The following BNC2 variants were observed in gnomAD, a reference collection of about 807,000 sequenced individuals.
The protein encoded by BNC2 is basonuclin zinc finger protein 2, also known as zinc finger protein basonuclin-2.
Under a neutral mutation model 76.3 loss-of-function variants are expected in BNC2, and 20 were observed. The ratio of observed to expected loss-of-function variants is 0.26; its 90% CI spans 0.18 to 0.38. The LOEUF is 0.38. Among genes scored for constraint, BNC2 ranks in the 10% least tolerant of loss-of-function variants. The pLI, the probability that BNC2 is intolerant of heterozygous loss-of-function variation, is 1.00. For missense variants in BNC2, 1,382 were observed against 1,399.8 expected, an observed-to-expected ratio of 0.99 and a Z score of 0.20; for synonymous variants, 582 against 514.8, an observed-to-expected ratio of 1.13 and a Z score of -1.77.
intron 3 of BNC2, among the ~76,000 whole-genome samples, chr9:16,704,009 T>A (rs1823589420): frequency 6.6e-6 from 1 of 152,162 alleles, no homozygotes; most frequent in African/African-American, 2.4e-5. Flanking sequence ...TGAAGAGAAA[T>A]GCAGTCCAAA....
intron 1 of BNC2, among the ~76,000 whole-genome samples, chr9:16,805,170 G>A (rs1817875661): frequency 6.6e-6 from 1 of 152,152 alleles, no homozygotes; most frequent in Non-Finnish European, 1.5e-5. Context: ...CATGGACATA[G>A]TAGGGTTTGT....
intron 1 of BNC2, among the ~76,000 whole-genome samples, chr9:16,810,750 G>C (rs560280792): frequency 6.6e-6 from 1 of 152,316 alleles, no homozygotes; most frequent in South Asian, 2.1e-4. Context: ...GTGATCCAAA[G>C]AGAAAAGCCG....
intron 5 of BNC2, among the ~76,000 whole-genome samples, chr9:16,438,852 T>C (rs1821072567): frequency 6.6e-6 from 1 of 152,098 alleles, no homozygotes; most frequent in African/African-American, 2.4e-5. Context: ...TAGGACACAC[T>C]AAGAAGGGCA....
chr9:16,597,588 T>G (rs1042323848), intron 3 of BNC2, among the ~76,000 whole-genome samples: 1 of 152,130 alleles, frequency 6.6e-6, no homozygotes, highest in African/African-American at 2.4e-5. Context: ...TAAAAAATTA[T>G]GAAAATCTAC....
intron 3 of BNC2, among the ~76,000 whole-genome samples, chr9:16,649,518 A>G (rs1302599703): frequency 6.6e-6 from 1 of 152,198 alleles, no homozygotes; most frequent in African/African-American, 2.4e-5. Flanking sequence ...AATTAGAGAC[A>G]GAAAAGGGAA....
intron 1 of BNC2, among the ~76,000 whole-genome samples, chr9:16,844,991 C>A (rs1818931771): frequency 6.6e-6 from 1 of 152,114 alleles, no homozygotes; most frequent in South Asian, 2.1e-4. Flanking sequence ...CCCAAGATTT[C>A]CAAACACTGT....
intron 5 of BNC2, among the ~76,000 whole-genome samples, chr9:16,486,732 T>C (rs1454941666): frequency 6.6e-6 from 1 of 152,180 alleles, no homozygotes; most frequent in African/African-American, 2.4e-5. Flanking sequence ...CAGACAATTT[T>C]TTTTTTTGGT....
At chr9:16,812,914 T>C (rs1303186960) in intron 1 of BNC2, among the ~76,000 whole-genome samples, 8 of 152,100 alleles carry the variant, frequency 5.3e-5, no homozygotes, top group African/African-American at 1.7e-4. Context: ...ATTTTCAAAA[T>C]AGAAAAATTC....
chr9:16,864,465 T>C (rs150841306), intron 1 of BNC2, among the ~76,000 whole-genome samples: 6 of 152,170 alleles, frequency 3.9e-5, no homozygotes, highest in African/African-American at 9.7e-5. Context: ...CAAATGAAGT[T>C]TGGATGAAAA....
At chr9:16,842,105 G>A (rs1006365668) in intron 1 of BNC2, among the ~76,000 whole-genome samples, 2 of 152,064 alleles carry the variant, frequency 1.3e-5, no homozygotes, top group African/African-American at 2.4e-5. Flanking sequence ...CCACACACCC[G>A]GCCTGCAAGA....
intron 1 of BNC2, among the ~76,000 whole-genome samples, chr9:16,744,128 G>C (rs371731037): frequency 5.9e-5 from 9 of 151,874 alleles, no homozygotes; most frequent in African/African-American, 1.9e-4. Context: ...CACCACGCCC[G>C]GCTAATTTTT....
At chr9:16,537,586 T>G (rs1818169774) in intron 5 of BNC2, among the ~76,000 whole-genome samples, 1 of 152,336 alleles carries the variant, frequency 6.6e-6, no homozygotes, top group Middle Eastern at 3.4e-3. Flanking sequence ...CCATCTTGAC[T>G]TTCTATTAAT....
At chr9:16,698,650 C>T (rs751051399) in intron 3 of BNC2, among the ~76,000 whole-genome samples, 2 of 151,806 alleles carry the variant, frequency 1.3e-5, no homozygotes, top group Admixed American at 6.6e-5. Flanking sequence ...GCCAAGATGG[C>T]GCCACCGCAC....
At chr9:16,788,349 C>A (rs191290626) in intron 1 of BNC2, among the ~76,000 whole-genome samples, 2 of 151,484 alleles carry the variant, frequency 1.3e-5, no homozygotes, top group Non-Finnish European at 3.0e-5. Context: ...GTCAGGAGAT[C>A]GAGACCATCC....
intron 5 of BNC2, among the ~76,000 whole-genome samples, chr9:16,474,082 C>G (rs554142025): frequency 2.6e-5 from 4 of 152,236 alleles, no homozygotes; most frequent in African/African-American, 9.6e-5. Flanking sequence ...GACACCCAAT[C>G]TTGACTGATG....
chr9:16,523,995 C>A (rs1817711315), intron 5 of BNC2, among the ~76,000 whole-genome samples: 1 of 152,116 alleles, frequency 6.6e-6, no homozygotes, highest in Non-Finnish European at 1.5e-5. Flanking sequence ...ACAACTCTAA[C>A]AGATTTTAGC....
chr9:16,849,696 T>C (rs1586934130), intron 1 of BNC2, among the ~76,000 whole-genome samples: 3 of 152,046 alleles, frequency 2.0e-5, no homozygotes, highest in African/African-American at 2.4e-5. Flanking sequence ...GGAGAAGAGG[T>C]TGTATACAAA....
At chr9:16,463,020 C>T (rs897344799) in intron 5 of BNC2, among the ~76,000 whole-genome samples, 20 of 152,092 alleles carry the variant, frequency 1.3e-4, no homozygotes, top group African/African-American at 4.6e-4. Flanking sequence ...CCATTTCCTT[C>T]TTTCCTCACA....
chr9:16,423,040 T>C (rs1281235328), intron 6 of BNC2, among the ~76,000 whole-genome samples: 3 of 152,114 alleles, frequency 2.0e-5, no homozygotes, highest in Admixed American at 6.5e-5. Flanking sequence ...GACCCTAAAA[T>C]GGCAGGAAGG....
Sources: allele counts gnomAD v4.1 joint callset (sites outside exome capture counted in the v4.1 genomes callset), GRCh38; gene constraint gnomAD v4.1.1; transcripts MANE v1.5; gene names NCBI Gene and HGNC (gene_info 2026-07-23, HGNC 2026-07-21).